Variants in XPO7 observed in about 807,000 individuals in gnomAD.
XPO7 encodes the protein exportin 7.
In XPO7, 21 loss-of-function variants were observed where a neutral mutation model predicts 144.3. The ratio of observed to expected loss-of-function variants is 0.15; its 90% CI spans 0.10 to 0.21. The LOEUF is 0.21. XPO7 is among the 10% of genes least tolerant of loss of function. The pLI is 1.00. For synonymous variants in XPO7, 580 were observed against 499.6 expected, an observed-to-expected ratio of 1.16 and a Z score of -2.15; for missense variants, 808 against 1,325.8, an observed-to-expected ratio of 0.61 and a Z score of 6.06.
In XPO7 at chr8:21,999,185, T is replaced by G; in HGVS notation, c.2523T>G (p.Ala841=). ...GISICFSMLK[A]ALSGSYVNFG... is the part of the protein sequence containing the mutation. ...CCATCTGCTTCTCCATGCTGAAGGC[T>G]GCTCTCAGTGGGAGTTACGTCAATT... Residue 841 remains alanine, a synonymous_variant, in exon 23 of 28, where the codon GCT becomes GCG. Coordinates refer to ENST00000252512, the MANE Select transcript of XPO7 (RefSeq NM_015024.5). 1 of 1,614,036 alleles carries G rather than the reference T, an allele frequency of 6.2e-7. No homozygotes were observed. Among genetic ancestry groups the G allele is most frequent in the Non-Finnish European group, 8.5e-7 (1 of 1,179,906 alleles).
At chr8:21,965,240 A>G (rs547811376) in intron 1 of XPO7, among the ~76,000 whole-genome samples, 1 of 152,018 alleles carries the variant, frequency 6.6e-6, no homozygotes, top group South Asian at 2.1e-4. Context: ...CTTGTTTAGG[A>G]ATGTGAGTGG....
chr8:21,982,396 C>T (rs985859804), intron 10 of XPO7, among the ~76,000 whole-genome samples: 1 of 152,178 alleles, frequency 6.6e-6, no homozygotes, highest in Non-Finnish European at 1.5e-5. Context: ...GACCCACTTA[C>T]ATATGGCTTT....
At chr8:21,920,863 C>A (rs1272171994) in intron 1 of XPO7, among the ~76,000 whole-genome samples, 1 of 152,188 alleles carries the variant, frequency 6.6e-6, no homozygotes, top group Non-Finnish European at 1.5e-5. Flanking sequence ...TCTGTGGCAT[C>A]ATTCCTCAAG....
At chr8:21,929,426 A>G (rs1810570874) in intron 1 of XPO7, among the ~76,000 whole-genome samples, 1 of 152,266 alleles carries the variant, frequency 6.6e-6, no homozygotes, top group African/African-American at 2.4e-5. Context: ...AAAGAAATTC[A>G]GAATTTTACT....
At chr8:21,966,124 G>T in intron 1 of XPO7, 1 of 624,506 alleles carries the variant, frequency 1.6e-6, no homozygotes. Flanking sequence ...CTGCCTCCCT[G>T]GAACTGGTTC....
chr8:21,927,490 G>A (rs930814410), intron 1 of XPO7, among the ~76,000 whole-genome samples: 2 of 149,700 alleles, frequency 1.3e-5, no homozygotes, highest in African/African-American at 2.5e-5. Context: ...GGCACATTTC[G>A]TGTTAACATT....
chr8:21,921,950 T>A (rs992207157), intron 1 of XPO7, among the ~76,000 whole-genome samples: 13 of 152,286 alleles, frequency 8.5e-5, no homozygotes, highest in Admixed American at 6.5e-4. Context: ...CAGAAAACCT[T>A]CTTATGAAAA....
At chr8:21,984,573 A>G in intron 11 of XPO7, 73 bp from the exon 12 acceptor site, 2 of 1,371,368 alleles carry the variant, frequency 1.5e-6, no homozygotes, top group East Asian at 5.0e-5. Context: ...TGAAGAAGTC[A>G]GAGAGCTGCT....
At chr8:21,925,654 G>A (rs1041035054) in intron 1 of XPO7, among the ~76,000 whole-genome samples, 2 of 152,104 alleles carry the variant, frequency 1.3e-5, no homozygotes, top group Admixed American at 1.3e-4. Context: ...GCCTTTTATA[G>A]TGTTATGCCA....
In XPO7 at chr8:21,994,263, G is replaced by C. The variant is rs911967556; in HGVS notation, c.2149-100G>C. 3.7e-6 allele frequency: 3 copies of C among 813,654 alleles called. No individual in the cohort carries two copies. The South Asian group carries it at 4.5e-5, about 12-fold the overall frequency. 50.4% of individuals were successfully genotyped at this position (813,654 alleles called of 1,614,324 possible). On this transcript the variant is annotated intron_variant, in intron 19 of 27. Coordinates refer to ENST00000252512, the MANE Select transcript of XPO7 (RefSeq NM_015024.5). ...TTTGAGAAGGAGTATATGTTGAACT[G>C]TGAGAGAAAGAATTTGATGATACAT...
In XPO7 at chr8:21,970,182, T is replaced by C; in HGVS notation, c.298T>C (p.Leu100=). 1 of 1,613,738 alleles carries C rather than the reference T, an allele frequency of 6.2e-7. No homozygotes were observed. The highest frequency in any genetic ancestry group is 2.2e-5 in the East Asian group (1 of 44,880). Residue 100 remains leucine (L), a synonymous_variant, in exon 4 of 28, where the codon TTG becomes CTG. Coordinates refer to ENST00000252512, the MANE Select transcript of XPO7 (RefSeq NM_015024.5). ...CAACTACCTTGCCACTCGGCCGAAG[T>C]TGGCTACTTTCGTGACACAAGCACT... The part of the protein sequence containing the change: ...VLNYLATRPK[L]ATFVTQALIQ...
chr8:21,995,529 G>C lies in XPO7; in HGVS notation c.2275G>C (p.Glu759Gln). 6.2e-7 allele frequency: 1 copy of C among 1,610,270 alleles called. No homozygotes were observed. The highest frequency in any genetic ancestry group is 8.5e-7 in the Non-Finnish European group (1 of 1,178,210). The change falls in exon 21 of 28, where the codon GAG (glutamate) becomes CAG (glutamine). Residue 759 changes from glutamate to glutamine, a missense_variant. Glu to Gln is a conservative substitution (Grantham distance 29). Around this residue, in one of 5 missense-constraint regions of XPO7, gnomAD observed 416 missense variants for 612.5 expected, o/e 0.68. Coordinates refer to ENST00000252512, the MANE Select transcript of XPO7 (RefSeq NM_015024.5). ...SYMPILQRAI[E>Q]LWYHDPACTT... ...TATGCCAATTCTCCAACGGGCAATT[G>C]AGCTCTGGTACCATGATCCAGCCTG...
intron 1 of XPO7, among the ~76,000 whole-genome samples, chr8:21,958,924 A>G (rs1462291184): frequency 3.4e-5 from 5 of 148,734 alleles, no homozygotes; most frequent in East Asian, 2.0e-4. Flanking sequence ...TCGCGCCACT[A>G]CACTCCAGCC....
intron 1 of XPO7, among the ~76,000 whole-genome samples, chr8:21,954,180 G>A (rs1299208180): frequency 3.3e-5 from 5 of 152,088 alleles, no homozygotes; most frequent in Non-Finnish European, 2.9e-5. Context: ...AGTGATAGGT[G>A]GCCTCAGAGA....
intron 1 of XPO7, among the ~76,000 whole-genome samples, chr8:21,921,044 A>C (rs1005278689): frequency 6.6e-6 from 1 of 152,178 alleles, no homozygotes; most frequent in Non-Finnish European, 1.5e-5. Flanking sequence ...GAATTATAGC[A>C]AGAAACGTAA....
intron 5 of XPO7, among the ~76,000 whole-genome samples, chr8:21,973,302 T>A (rs1409216852): frequency 6.6e-6 from 1 of 152,224 alleles, no homozygotes; most frequent in East Asian, 1.9e-4. Context: ...TTTTGATATA[T>A]GTATAATAAA....
chr8:22,001,984 A>C, intron 24 of XPO7, 128 bp from the exon 25 acceptor site: 1 of 1,030,962 alleles, frequency 9.7e-7, no homozygotes, highest in Non-Finnish European at 1.4e-6. Context: ...GGTTAACAGG[A>C]GTCATCTTGA....
chr8:21,935,050 A>G (rs893394171), intron 1 of XPO7, among the ~76,000 whole-genome samples: 1 of 152,212 alleles, frequency 6.6e-6, no homozygotes, highest in Admixed American at 6.5e-5. Flanking sequence ...AAGTAAGGAC[A>G]TTTGCATTGT....
At chr8:21,973,706 A>G (rs979652615) in intron 5 of XPO7, among the ~76,000 whole-genome samples, 1 of 152,248 alleles carries the variant, frequency 6.6e-6, no homozygotes, top group Non-Finnish European at 1.5e-5. Context: ...TTAAGCTTTC[A>G]GTACATGGTT....
Sources: allele counts gnomAD v4.1 joint callset (sites outside exome capture counted in the v4.1 genomes callset), GRCh38; gene constraint gnomAD v4.1.1; regional missense constraint gnomAD v4.1.1; transcripts MANE v1.5; gene names NCBI Gene and HGNC (gene_info 2026-07-23, HGNC 2026-07-21).